Variants in BMPR1B observed in about 807,000 individuals in gnomAD.
BMPR1B encodes the protein bone morphogenetic protein receptor type 1B, also known as bone morphogenetic protein receptor type-1B.
BMPR1B carries 12 observed loss-of-function variants against 59.1 expected under a neutral mutation model. That is an observed-to-expected ratio of 0.20 (90% CI 0.13 to 0.33). BMPR1B has a LOEUF of 0.33. Among genes scored for constraint, BMPR1B ranks in the 10% least tolerant of loss-of-function variants. The probability of loss-of-function intolerance (pLI) is 1.00; values close to 1 mark genes in which losing one functional copy is unlikely to be tolerated. For missense variants in BMPR1B, 550 were observed against 610.9 expected (o/e 0.90, Z 1.05); for synonymous variants, 237 against 207.3 (o/e 1.14, Z -1.23).
At chr4:95,001,691 CAT>C (rs978756757) in intron 3 of BMPR1B, among the ~76,000 whole-genome samples, 2 of 152,108 alleles carry the variant, frequency 1.3e-5, no homozygotes, top group Admixed American at 1.3e-4. Context: ...CCTAGAAAAA[CAT>C]TGTTTAAAAC....
chr4:94,789,243 G>A (rs10004956), intron 1 of BMPR1B, among the ~76,000 whole-genome samples: 85,080 of 152,058 alleles, frequency 0.56, 24,014 homozygotes, highest in Middle Eastern at 0.7. Context: ...CCCACTTACC[G>A]AGTTTTTTCA....
chr4:94,919,920 T>G (rs770563165), intron 2 of BMPR1B, among the ~76,000 whole-genome samples: 1 of 152,238 alleles, frequency 6.6e-6, no homozygotes, highest in East Asian at 1.9e-4. Context: ...TCGTCATTTT[T>G]CTATCATATT....
intron 2 of BMPR1B, among the ~76,000 whole-genome samples, chr4:94,918,962 CAT>C (rs1422376526): frequency 1.3e-5 from 2 of 152,028 alleles, no homozygotes; most frequent in Non-Finnish European, 2.9e-5. Flanking sequence ...AAAGTTTAAA[CAT>C]GTGTCTGCTG....
intron 2 of BMPR1B, among the ~76,000 whole-genome samples, chr4:94,991,239 G>T (rs1387662278): frequency 6.6e-6 from 1 of 151,974 alleles, no homozygotes; most frequent in Non-Finnish European, 1.5e-5. Flanking sequence ...GACCTACTTT[G>T]TAAATGTTGA....
chr4:94,785,335 G>T (rs888328030), intron 1 of BMPR1B, among the ~76,000 whole-genome samples: 1 of 152,310 alleles, frequency 6.6e-6, no homozygotes, highest in Non-Finnish European at 1.5e-5. Flanking sequence ...TAGCACATAT[G>T]TACTTAGGAT....
intron 8 of BMPR1B, 138 bp downstream of exon 8, chr4:95,125,259 C>T (rs1360509249): frequency 3.7e-6 from 4 of 1,092,632 alleles, no homozygotes; most frequent in Non-Finnish European, 5.4e-6. Context: ...CCGATCTCAG[C>T]TGCAGGGCTT....
intron 2 of BMPR1B, among the ~76,000 whole-genome samples, chr4:94,981,539 C>T (rs575947361): frequency 6.6e-6 from 1 of 152,298 alleles, no homozygotes; most frequent in East Asian, 1.9e-4. Flanking sequence ...GCTTGCCTTT[C>T]TGAAATGTGA....
chr4:95,068,607 C>T (rs896617750), intron 3 of BMPR1B, among the ~76,000 whole-genome samples: 18 of 152,162 alleles, frequency 1.2e-4, no homozygotes, highest in African/African-American at 3.6e-4. Flanking sequence ...TGAAAGCAGA[C>T]CTTACCAGTG....
intron 1 of BMPR1B, among the ~76,000 whole-genome samples, chr4:94,850,470 G>A (rs999397274): frequency 7.3e-5 from 11 of 150,872 alleles, no homozygotes; most frequent in African/African-American, 2.7e-4. Flanking sequence ...TGTAACAGCT[G>A]AGATATGGTG....
intron 2 of BMPR1B, among the ~76,000 whole-genome samples, chr4:94,919,971 C>T (rs747137228): frequency 9.2e-5 from 14 of 152,100 alleles, no homozygotes; most frequent in Admixed American, 3.9e-4. Context: ...TTCAATTGTT[C>T]GTGAATATTA....
intron 2 of BMPR1B, among the ~76,000 whole-genome samples, chr4:94,956,154 CT>C (rs1471119021): frequency 1.3e-5 from 2 of 151,956 alleles, no homozygotes; most frequent in Non-Finnish European, 2.9e-5. Context: ...CCAAACATGC[CT>C]TGTAATTTCT....
chr4:94,831,233 T>TAAAAAAAAAAAA (rs34088781), intron 1 of BMPR1B, among the ~76,000 whole-genome samples: 1 of 88,546 alleles, frequency 1.1e-5, no homozygotes, highest in African/African-American at 3.6e-5. Flanking sequence ...GTTTAAAAAG[T>TAAAAAAAAAAAA]AAAAAAAAAA....
At chr4:95,083,037 CAAAAAAA>C (rs1171888403) in intron 3 of BMPR1B, among the ~76,000 whole-genome samples, 9 of 60,626 alleles carry the variant, frequency 1.5e-4, no homozygotes, top group East Asian at 1.1e-3. Context: ...TACTCTGTCT[CAAAAAAA>C]AAAAAAAAAA....
At chr4:94,974,457 A>G (rs944559124) in intron 2 of BMPR1B, among the ~76,000 whole-genome samples, 2 of 151,876 alleles carry the variant, frequency 1.3e-5, no homozygotes, top group Non-Finnish European at 2.9e-5. Context: ...TGTATCCCTC[A>G]TTGCCTTCCC....
At chr4:95,129,789 C>T in intron 8 of BMPR1B, 73 bp from the exon 9 acceptor site, 1 of 1,488,848 alleles carries the variant, frequency 6.7e-7, no homozygotes, top group African/African-American at 1.4e-5. Flanking sequence ...ATCGTTTCTT[C>T]TCTGGAGAAA....
At chr4:94,907,010 G>A (rs1728070452) in intron 2 of BMPR1B, among the ~76,000 whole-genome samples, 1 of 151,974 alleles carries the variant, frequency 6.6e-6, no homozygotes, top group South Asian at 2.1e-4. Context: ...ATCTCAGAAT[G>A]TTTCATTGCT....
At chr4:94,966,793 C>T (rs11943519) in intron 2 of BMPR1B, among the ~76,000 whole-genome samples, 17,267 of 151,976 alleles carry the variant, frequency 0.11, 1,150 homozygotes, top group Middle Eastern at 0.18. Flanking sequence ...GAGTTAAAAA[C>T]CTAAGTTTGA....
chr4:94,881,432 A>G (rs1428831937), intron 2 of BMPR1B, among the ~76,000 whole-genome samples: 1 of 151,686 alleles, frequency 6.6e-6, no homozygotes, highest in African/African-American at 2.4e-5. Flanking sequence ...CAACGAGAGG[A>G]GCTGGGTTCA....
intron 2 of BMPR1B, among the ~76,000 whole-genome samples, chr4:94,961,576 T>G (rs908588083): frequency 6.6e-6 from 1 of 152,180 alleles, no homozygotes; most frequent in Non-Finnish European, 1.5e-5. Context: ...TGAAATTCCA[T>G]TATTTATCTA....
Sources: allele counts gnomAD v4.1 joint callset (sites outside exome capture counted in the v4.1 genomes callset), GRCh38; gene constraint gnomAD v4.1.1; transcripts MANE v1.5; gene names NCBI Gene and HGNC (gene_info 2026-07-23, HGNC 2026-07-21).